TTLL5: variants seen among roughly 807,000 people sequenced by gnomAD.
The protein encoded by TTLL5 is tubulin polyglutamylase TTLL5.
TTLL5 carries 132 observed loss-of-function variants against 168.4 expected under a neutral mutation model. The ratio of observed to expected loss-of-function variants is 0.78; its 90% CI spans 0.68 to 0.91. TTLL5 has a LOEUF of 0.91. Ranked by LOEUF, TTLL5 falls within the 40% of genes least tolerant of loss-of-function variation. TTLL5 has a pLI of 0.00. For synonymous variants in TTLL5, 546 were observed against 558.6 expected (o/e 0.98, Z 0.32); for missense variants, 1,545 against 1,581.5 (o/e 0.98, Z 0.39).
At chr14:75,864,484 A>G (rs901229594) in intron 29 of TTLL5, among the ~76,000 whole-genome samples, 2 of 152,202 alleles carry the variant, frequency 1.3e-5, no homozygotes, top group Admixed American at 1.3e-4. Flanking sequence ...CTGTTGTGCA[A>G]CTTATGTGTA....
intron 29 of TTLL5, among the ~76,000 whole-genome samples, chr14:75,864,256 C>T (rs938361200): frequency 2.0e-5 from 3 of 152,140 alleles, no homozygotes; most frequent in African/African-American, 7.2e-5. Context: ...CCTTGATATA[C>T]TTGGCATATG....
At chr14:75,893,761 G>T (rs2359986) in intron 30 of TTLL5, among the ~76,000 whole-genome samples, 131,490 of 148,960 alleles carry the variant, frequency 0.88, 58,148 homozygotes, top group South Asian at 0.92. Flanking sequence ...TAGGTTACAG[G>T]GAGCCAAGAT....
intron 27 of TTLL5, among the ~76,000 whole-genome samples, chr14:75,811,195 G>GTA: frequency 6.8e-6 from 1 of 147,780 alleles, no homozygotes; most frequent in East Asian, 2.0e-4. Flanking sequence ...GTGTATGTGT[G>GTA]TGTGTGTGTT....
At chr14:75,832,617 G>A (rs1283319260) in intron 28 of TTLL5, among the ~76,000 whole-genome samples, 1 of 152,164 alleles carries the variant, frequency 6.6e-6, no homozygotes, top group Non-Finnish European at 1.5e-5. Flanking sequence ...ATATGTGAAC[G>A]TGCTTTGTAA....
intron 20 of TTLL5, among the ~76,000 whole-genome samples, chr14:75,769,302 C>T (rs1891142430): frequency 6.6e-6 from 1 of 152,198 alleles, no homozygotes. Context: ...AAAGTCCACG[C>T]ACAGCCAGGG....
chr14:75,886,156 C>T (rs1384980401), intron 30 of TTLL5, among the ~76,000 whole-genome samples: 2 of 152,186 alleles, frequency 1.3e-5, no homozygotes, highest in African/African-American at 4.8e-5. Context: ...CTTCAAACTT[C>T]TTCTAGCACA....
chr14:75,890,829 C>T (rs1178972082), intron 30 of TTLL5, among the ~76,000 whole-genome samples: 1 of 152,172 alleles, frequency 6.6e-6, no homozygotes, highest in Admixed American at 6.5e-5. Flanking sequence ...AAGCGATACT[C>T]CTGCCTCAGC....
At chr14:75,719,660 GCTA>G (rs1887719157) in intron 10 of TTLL5, 72 bp from the exon 11 acceptor site, 1 of 1,285,640 alleles carries the variant, frequency 7.8e-7, no homozygotes. Context: ...AGACAAGAAG[GCTA>G]TTTGCAAAGA....
chr14:75,817,819 T>C (rs1177018657), intron 27 of TTLL5, among the ~76,000 whole-genome samples: 1 of 146,422 alleles, frequency 6.8e-6, no homozygotes, highest in African/African-American at 2.6e-5. Context: ...TTCTTTCTTT[T>C]CTTTTCTTTT....
chr14:75,819,916 G>A, intron 27 of TTLL5, 91 bp from the exon 28 acceptor site: 8 of 1,410,186 alleles, frequency 5.7e-6, no homozygotes, highest in Non-Finnish European at 6.7e-6. Context: ...GTCAGCATCT[G>A]TTGGCCTTGA....
In TTLL5 at chr14:75,863,759, A is replaced by G. The variant is rs140038179; in HGVS notation, c.3419A>G (p.His1140Arg). Residue 1140 changes from histidine (H) to arginine (R), a missense_variant, in exon 29 of 32, where the codon CAC becomes CGC. By Grantham distance (29) the His-to-Arg change is conservative. Coordinates refer to ENST00000298832, the MANE Select transcript of TTLL5 (RefSeq NM_015072.5). ...ATGVVPQHKY[H>R]PTAGSYQLQF... ...GGGGTGGTCCCCCAGCACAAGTATC[A>G]CCCCACAGCAGGCAGCTATCAGCTT... 717 of 1,613,644 alleles carry G rather than the reference A, an allele frequency of 4.4e-4. 1 individual carries two copies. The highest frequency in any genetic ancestry group is 5.7e-4 in the Non-Finnish European group (674 of 1,179,952).
chr14:75,699,297 C>T (rs753376138), intron 7 of TTLL5, 27 bp downstream of exon 7: 1 of 1,578,796 alleles, frequency 6.3e-7, no homozygotes, highest in African/African-American at 1.3e-5. Flanking sequence ...TGGCAAACCT[C>T]TCTCCTCACT....
intron 29 of TTLL5, among the ~76,000 whole-genome samples, chr14:75,878,997 AAG>A (rs1475449444): frequency 3.3e-5 from 5 of 152,214 alleles, no homozygotes; most frequent in Non-Finnish European, 1.5e-5. Context: ...TGCTAAAAAA[AAG>A]ATGAATAGTT....
At chr14:75,897,537 C>T (rs144138058) in intron 30 of TTLL5, among the ~76,000 whole-genome samples, 4 of 151,946 alleles carry the variant, frequency 2.6e-5, no homozygotes, top group Non-Finnish European at 5.9e-5. Context: ...AGTGTGATGG[C>T]GCAATCTTGG....
At chr14:75,822,921 C>T (rs550355850) in intron 28 of TTLL5, among the ~76,000 whole-genome samples, 1 of 152,318 alleles carries the variant, frequency 6.6e-6, no homozygotes, top group African/African-American at 2.4e-5. Context: ...GGCCATGTAG[C>T]TTGCAGTTCC....
rs558899607 is a variant in TTLL5, at chr14:75,942,661, G to A, written c.3824-11763G>A. 1.2e-4 allele frequency among the ~76,000 whole-genome samples: 18 copies of A among 152,248 alleles called. No homozygotes were observed. The South Asian group carries it at 3.5e-3, about 30-fold the overall frequency. ...GGCTTCAATGGTTCTTCATTCCTAG[G>A]TGATTCTCATAGTGCAGTTTACCTT... On this transcript the variant is annotated intron_variant, in intron 31 of 31. Coordinates refer to ENST00000298832, the MANE Select transcript of TTLL5 (RefSeq NM_015072.5).
chr14:75,743,644 T>C (rs1332996254), intron 15 of TTLL5, among the ~76,000 whole-genome samples: 1 of 135,140 alleles, frequency 7.4e-6, no homozygotes. Flanking sequence ...TGCAGTGGCG[T>C]GATCTCAGCT....
intron 27 of TTLL5, among the ~76,000 whole-genome samples, chr14:75,793,569 T>A (rs1892837469): frequency 6.6e-6 from 1 of 152,206 alleles, no homozygotes; most frequent in South Asian, 2.1e-4. Flanking sequence ...TATACCCTTA[T>A]CCAATATAAT....
chr14:75,699,482 G>C (rs1312168084), intron 7 of TTLL5, among the ~76,000 whole-genome samples: 1 of 152,224 alleles, frequency 6.6e-6, no homozygotes, highest in Non-Finnish European at 1.5e-5. Context: ...TGGCTAAAAA[G>C]ACACTTGATC....
Sources: gnomAD v4.1 joint callset for allele counts (sites outside exome capture counted in the v4.1 genomes callset) on GRCh38, gnomAD v4.1.1 for gene constraint, MANE v1.5 for transcripts, NCBI Gene and HGNC (gene_info 2026-07-23, HGNC 2026-07-21) for gene names.